The following DNAJC3 variants were observed in gnomAD, a reference collection of about 807,000 sequenced individuals.
DNAJC3 encodes the protein dnaJ homolog subfamily C member 3.
A neutral mutation model predicts 68.6 loss-of-function variants in DNAJC3; 38 were observed. The ratio of observed to expected loss-of-function variants is 0.55; its 90% CI spans 0.43 to 0.73. The LOEUF is 0.73. Ranked by LOEUF, DNAJC3 falls within the 30% of genes least tolerant of loss-of-function variation. The pLI is 0.00. For synonymous variants in DNAJC3, 203 were observed against 204.0 expected (o/e 1.00, Z 0.04); for missense variants, 526 against 591.9 (o/e 0.89, Z 1.16).
intron 2 of DNAJC3, among the ~76,000 whole-genome samples, chr13:95,712,533 C>T (rs1051936003): frequency 4.6e-5 from 7 of 151,984 alleles, no homozygotes; most frequent in South Asian, 2.1e-4. Context: ...TGCACCACCA[C>T]GTCCAGCTAA....
intron 9 of DNAJC3, among the ~76,000 whole-genome samples, chr13:95,772,589 G>T (rs927218985): frequency 6.6e-6 from 1 of 152,084 alleles, no homozygotes; most frequent in African/African-American, 2.4e-5. Context: ...ATCTATTGTG[G>T]TTTTAATGTT....
At chr13:95,784,205 A>G (rs1042166396) in intron 9 of DNAJC3, among the ~76,000 whole-genome samples, 16 of 152,202 alleles carry the variant, frequency 1.1e-4, no homozygotes, top group Non-Finnish European at 1.8e-4. Context: ...GCAATCTATT[A>G]TTGGAATTAT....
intron 1 of DNAJC3, chr13:95,693,779 A>G (rs898455028): frequency 1.3e-5 from 2 of 152,128 alleles, no homozygotes; most frequent in African/African-American, 4.8e-5. Context: ...ACCACAATCC[A>G]TTGTACAACC....
chr13:95,738,587 T>G (rs969222904), intron 4 of DNAJC3, among the ~76,000 whole-genome samples: 1 of 152,220 alleles, frequency 6.6e-6, no homozygotes, highest in African/African-American at 2.4e-5. Context: ...ATGGCCTTCT[T>G]TGTCTCTTTT....
chr13:95,712,022 T>A (rs1489350379), intron 2 of DNAJC3, among the ~76,000 whole-genome samples: 1 of 152,196 alleles, frequency 6.6e-6, no homozygotes, highest in African/African-American at 2.4e-5. Flanking sequence ...CACAAACACA[T>A]ACACACACCA....
At chr13:95,767,029 G>A (rs1883012276) in intron 9 of DNAJC3, among the ~76,000 whole-genome samples, 1 of 152,060 alleles carries the variant, frequency 6.6e-6, no homozygotes, top group Non-Finnish European at 1.5e-5. Context: ...TTTAATTGTG[G>A]TAAAAGATAC....
At chr13:95,730,796 T>C (rs943946801) in intron 4 of DNAJC3, among the ~76,000 whole-genome samples, 3 of 152,182 alleles carry the variant, frequency 2.0e-5, no homozygotes, top group Non-Finnish European at 2.9e-5. Context: ...TCAGGCTCTG[T>C]TTTGGTTTCA....
At chr13:95,715,458 G>C (rs553217784) in intron 2 of DNAJC3, among the ~76,000 whole-genome samples, 5 of 151,972 alleles carry the variant, frequency 3.3e-5, no homozygotes, top group Non-Finnish European at 7.4e-5. Flanking sequence ...ACTCTCAAAT[G>C]GGATACACAT....
At chr13:95,788,203 T>G (rs1883660581) in intron 11 of DNAJC3, among the ~76,000 whole-genome samples, 1 of 152,254 alleles carries the variant, frequency 6.6e-6, no homozygotes, top group Non-Finnish European at 1.5e-5. Flanking sequence ...CCTTATCAAG[T>G]AGTGTTGGAT....
intron 5 of DNAJC3, 95 bp from the exon 6 acceptor site, chr13:95,759,945 A>G: frequency 9.7e-6 from 12 of 1,238,048 alleles, no homozygotes; most frequent in Non-Finnish European, 1.3e-5. Flanking sequence ...AGAATGTTTT[A>G]TGTTGATAAA....
chr13:95,781,803 G>A (rs548275311), intron 9 of DNAJC3, among the ~76,000 whole-genome samples: 1 of 151,228 alleles, frequency 6.6e-6, no homozygotes, highest in Admixed American at 6.6e-5. Context: ...TTGGATGTGT[G>A]TGTGTGTTTT....
intron 4 of DNAJC3, among the ~76,000 whole-genome samples, chr13:95,733,703 CTT>C (rs146677839): frequency 0.018 from 1,840 of 102,952 alleles, 47 homozygotes; most frequent in African/African-American, 0.062. Flanking sequence ...CCTGGCCTGT[CTT>C]TTTTTTTTTT....
chr13:95,737,774 C>T (rs1229860503), intron 4 of DNAJC3, among the ~76,000 whole-genome samples: 9 of 146,576 alleles, frequency 6.1e-5, no homozygotes, highest in Non-Finnish European at 1.4e-4. Flanking sequence ...AAAAAACCAG[C>T]TCCTGGATTC....
chr13:95,758,890 T>G (rs1336727708), intron 5 of DNAJC3, among the ~76,000 whole-genome samples: 1 of 152,202 alleles, frequency 6.6e-6, no homozygotes, highest in East Asian at 1.9e-4. Flanking sequence ...ACAGAAGATA[T>G]TGTGATATGG....
Position 95,757,156 on chromosome 13 carries a change from TCAG to T in DNAJC3, c.394-487_394-485del, listed in dbSNP as rs575070299. Among the ~76,000 whole-genome samples, 12 of 152,304 alleles carry T rather than the reference TCAG, an allele frequency of 7.9e-5. No individual in the cohort carries two copies. In the South Asian group the frequency reaches 2.5e-3, roughly 32 times the overall value. ...TTCTTGTACTTTAACCCTTTTGGTA[TCAG>T]ATCTTTTTTTAAATCTTACAACCTC... On this transcript the variant is annotated intron_variant, in intron 4 of 11. Transcript: ENST00000602402.
chr13:95,706,100 A>C (rs973351785), intron 1 of DNAJC3, among the ~76,000 whole-genome samples: 1 of 152,262 alleles, frequency 6.6e-6, no homozygotes, highest in Non-Finnish European at 1.5e-5. Flanking sequence ...TGTTAAAGCC[A>C]CTTCCAGTTT....
In DNAJC3 at chr13:95,724,651, C is replaced by T. The variant is rs143582380; in HGVS notation, c.319-527C>T. 4.6e-5 allele frequency among the ~76,000 whole-genome samples: 7 copies of T among 152,284 alleles called. No homozygotes were observed. In the East Asian group the frequency reaches 1.3e-3, roughly 29 times the overall value. The stretch of plus-strand genomic sequence containing the variant: ...TATCGACCCCCAAAGAAGCCCTGTA[C>T]CTATTAGCGGTCACTCCCCATTGCT... On this transcript the variant is annotated intron_variant, in intron 3 of 11. Coordinates refer to ENST00000602402, the MANE Select transcript of DNAJC3 (RefSeq NM_006260.5).
chr13:95,782,574 A>G (rs1339537735), intron 9 of DNAJC3, among the ~76,000 whole-genome samples: 2 of 152,026 alleles, frequency 1.3e-5, no homozygotes, highest in Non-Finnish European at 2.9e-5. Context: ...GCTTTTTTTC[A>G]TATGTCTGTT....
In DNAJC3 at chr13:95,793,893, T is replaced by C. The variant is rs897987799; in HGVS notation, c.*2863T>C. 1.3e-5 allele frequency: 2 copies of C among 152,230 alleles called. No homozygotes were observed. Among genetic ancestry groups the C allele is most frequent in the African/African-American group, 2.4e-5 (1 of 41,448 alleles). The allele number at this position is 152,230 out of a possible 1,614,324, so 9.4% of individuals were successfully genotyped here. A position where few individuals can be genotyped will look rare whatever the true frequency, so the allele number is the denominator to read the frequency against. On this transcript the variant is annotated 3_prime_UTR_variant, in exon 12 of 12. Transcript: ENST00000602402. Reference sequence around the variant, plus strand: ...GTGGAGTTATCAGTGGTCTGTACTTTGTGGATATTTTGCCCAGCAGGAAGT... The same window carrying C: ...GTGGAGTTATCAGTGGTCTGTACTTCGTGGATATTTTGCCCAGCAGGAAGT...
Sources: allele counts gnomAD v4.1 joint callset (sites outside exome capture counted in the v4.1 genomes callset), GRCh38; gene constraint gnomAD v4.1.1; transcripts MANE v1.5; gene names NCBI Gene and HGNC (gene_info 2026-07-23, HGNC 2026-07-21).